Variants in DNER observed in about 807,000 individuals in gnomAD.
DNER encodes delta and Notch-like epidermal growth factor-related receptor.
DNER carries 33 observed loss-of-function variants against 78.2 expected under a neutral mutation model. That is an observed-to-expected ratio of 0.42 (90% confidence interval 0.32 to 0.56). DNER has a LOEUF of 0.56. DNER is among the 20% of genes least tolerant of loss of function. The pLI is 0.11. For missense variants in DNER, 918 were observed against 975.3 expected (o/e 0.94, Z 0.78); for synonymous variants, 417 against 384.8 (o/e 1.08, Z -0.98).
rs1304526043 is a variant in DNER at position 229,397,468 on chromosome 2, A to AAAAAAAAAAAAAAC, written c.1724-9073_1724-9072insGTTTTTTTTTTTTT. On this transcript the variant is annotated intron_variant, in intron 10 of 12. Transcript: ENST00000341772. Reference sequence around the variant, plus strand: ...TCCACTCCAGCCAAACACTACAAAAAAAAAAAAAAAACTGCAAGTCCCCTC... The same window carrying AAAAAAAAAAAAAAC: ...TCCACTCCAGCCAAACACTACAAAAAAAAAAAAAAAAAACAAAAAAAAAAACTGCAAGTCCCCTC... Among the ~76,000 whole-genome samples the AAAAAAAAAAAAAAC allele has an allele frequency of 4.7e-5, 7 of 150,516 alleles. 1 individual carries two copies. Among genetic ancestry groups the AAAAAAAAAAAAAAC allele is most frequent in the African/African-American group, 1.2e-4 (5 of 41,220 alleles).
intron 5 of DNER, among the ~76,000 whole-genome samples, chr2:229,540,613 A>G (rs528539134): frequency 2.6e-5 from 4 of 152,340 alleles, no homozygotes; most frequent in Admixed American, 2.6e-4. Flanking sequence ...ATCATTTCCA[A>G]TAAACCAAAC....
At chr2:229,667,581 T>C (rs1699116404) in intron 1 of DNER, among the ~76,000 whole-genome samples, 2 of 152,186 alleles carry the variant, frequency 1.3e-5, no homozygotes, top group African/African-American at 4.8e-5. Flanking sequence ...TGGTTTTTTG[T>C]TTCCAGAGTT....
intron 1 of DNER, among the ~76,000 whole-genome samples, chr2:229,621,745 C>G (rs931040529): frequency 6.6e-6 from 1 of 152,158 alleles, no homozygotes; most frequent in Non-Finnish European, 1.5e-5. Context: ...TTACTTGGGC[C>G]TTTTGAGCTC....
rs145868079 is a variant in DNER at position 229,610,750 on chromosome 2, T to C, written c.277-18862A>G. On this transcript the variant is annotated intron_variant, in intron 1 of 12. Coordinates refer to ENST00000341772, the MANE Select transcript of DNER (RefSeq NM_139072.4). ...GTTCCAGGCTGCAGTCCTTTCATGA[T>C]ACTTATGCATCTTAAAGAACCATAA... Among the ~76,000 whole-genome samples the C allele has an allele frequency of 2.6e-5, 4 of 152,338 alleles. No individual in the cohort carries two copies. In the East Asian group the frequency reaches 5.8e-4, roughly 22 times the overall value.
intron 7 of DNER, among the ~76,000 whole-genome samples, chr2:229,464,644 C>T (rs1694765370): frequency 6.6e-6 from 1 of 152,154 alleles, no homozygotes; most frequent in African/African-American, 2.4e-5. Flanking sequence ...GGCACTGCTT[C>T]AAGACTTTCC....
intron 1 of DNER, chr2:229,701,977 A>G: frequency 5.3e-6 from 1 of 188,234 alleles, no homozygotes; most frequent in Non-Finnish European, 1.2e-5. Flanking sequence ...CATGTTCGGG[A>G]AGAATGTGCA....
intron 10 of DNER, among the ~76,000 whole-genome samples, chr2:229,399,322 A>ACG: frequency 6.6e-6 from 1 of 151,870 alleles, no homozygotes; most frequent in East Asian, 1.9e-4. Context: ...ACACACACAC[A>ACG]TGCATATATA....
chr2:229,427,982 G>A (rs1472982038), intron 8 of DNER, among the ~76,000 whole-genome samples: 2 of 151,996 alleles, frequency 1.3e-5, no homozygotes, highest in South Asian at 4.1e-4. Flanking sequence ...GGCTGAGGCG[G>A]GAGAATTGCT....
intron 1 of DNER, among the ~76,000 whole-genome samples, chr2:229,617,600 C>T (rs1266704847): frequency 6.6e-6 from 1 of 152,166 alleles, no homozygotes; most frequent in Non-Finnish European, 1.5e-5. Flanking sequence ...TATTTCCATA[C>T]TTCATAAAGA....
At chr2:229,596,985 A>G (rs1184058723) in intron 1 of DNER, among the ~76,000 whole-genome samples, 2 of 151,942 alleles carry the variant, frequency 1.3e-5, no homozygotes, top group Non-Finnish European at 2.9e-5. Flanking sequence ...CTGCGCACAC[A>G]CATGCACACG....
intron 4 of DNER, among the ~76,000 whole-genome samples, chr2:229,560,772 G>A (rs1446752654): frequency 6.6e-6 from 1 of 152,186 alleles, no homozygotes; most frequent in Non-Finnish European, 1.5e-5. Flanking sequence ...GTCCAGGGTG[G>A]CAATGATTAC....
In DNER at chr2:229,387,507, GAGAGAAAGAAAGAAAGAAAGAA is replaced by G. The variant is rs1692902072; in HGVS notation, c.1855+736_1855+757del. 1.1e-3 allele frequency among the ~76,000 whole-genome samples: 104 copies of G among 96,444 alleles called. No individual in the cohort carries two copies. In the South Asian group the frequency reaches 0.018, roughly 17 times the overall value. 63.3% of individuals were successfully genotyped at this position (96,444 alleles called of 152,430 possible). A position where few individuals can be genotyped will look rare whatever the true frequency, so the allele number is the denominator to read the frequency against. On this transcript the variant is annotated intron_variant, in intron 11 of 12. Coordinates refer to ENST00000341772, the MANE Select transcript of DNER (RefSeq NM_139072.4). ...AAAAAGAAAGAAAGAAAGAAAGAAA[GAGAGAAAGAAAGAAAGAAAGAA>G]AGAAAGAAAGAAAGAAAGAAAGAAA...
intron 11 of DNER, among the ~76,000 whole-genome samples, chr2:229,370,660 A>T (rs747722509): frequency 6.6e-6 from 1 of 152,224 alleles, no homozygotes; most frequent in Non-Finnish European, 1.5e-5. Flanking sequence ...ATTTCCAAGT[A>T]TTATAACATT....
intron 6 of DNER, among the ~76,000 whole-genome samples, chr2:229,504,446 C>T (rs1344654569): frequency 6.6e-6 from 1 of 152,184 alleles, no homozygotes; most frequent in East Asian, 1.9e-4. Context: ...TCTCAAACTC[C>T]TGACCTCAGG....
At chr2:229,473,655 C>T (rs1034463664) in intron 7 of DNER, among the ~76,000 whole-genome samples, 13 of 152,122 alleles carry the variant, frequency 8.5e-5, no homozygotes, top group African/African-American at 2.4e-4. Flanking sequence ...AAACGCAACC[C>T]GTAGGAAAGG....
intron 1 of DNER, among the ~76,000 whole-genome samples, chr2:229,681,034 A>G (rs756858074): frequency 1.2e-3 from 178 of 152,332 alleles, no homozygotes; most frequent in Admixed American, 2.2e-3. Context: ...GGGTCTCCAA[A>G]GGAGAGGCAT....
At chr2:229,500,352 C>A (rs921511365) in intron 6 of DNER, among the ~76,000 whole-genome samples, 1 of 152,140 alleles carries the variant, frequency 6.6e-6, no homozygotes, top group Non-Finnish European at 1.5e-5. Flanking sequence ...CAAGTCACAC[C>A]TGTCAGAATA....
intron 5 of DNER, among the ~76,000 whole-genome samples, chr2:229,536,758 T>C (rs775317427): frequency 1.4e-4 from 21 of 152,346 alleles, no homozygotes; most frequent in Admixed American, 2.6e-4. Flanking sequence ...AGTTATGACA[T>C]GAGTATCTCT....
chr2:229,672,283 C>T (rs971052409), intron 1 of DNER, among the ~76,000 whole-genome samples: 8 of 152,030 alleles, frequency 5.3e-5, no homozygotes, highest in African/African-American at 1.5e-4. Flanking sequence ...CCAAGACAGC[C>T]GGGCACTCAG....
Sources: allele counts gnomAD v4.1 joint callset (sites outside exome capture counted in the v4.1 genomes callset), GRCh38; gene constraint gnomAD v4.1.1; transcripts MANE v1.5; gene names NCBI Gene and HGNC (gene_info 2026-07-23, HGNC 2026-07-21).